NOC2L: variants seen among roughly 807,000 people sequenced by gnomAD.
NOC2L encodes NOC2 like nucleolar associated transcriptional repressor, also known as nucleolar complex protein 2 homolog.
In NOC2L, 101 loss-of-function variants were observed where a neutral mutation model predicts 94.2. That is an observed-to-expected ratio of 1.07 (90% CI 0.91 to 1.26). NOC2L has a LOEUF of 1.26. NOC2L is among the 50% of genes most tolerant of loss of function. NOC2L has a pLI of 0.00. For synonymous variants in NOC2L, 531 were observed against 413.4 expected (o/e 1.28, Z -3.45); for missense variants, 1,076 against 980.1 (o/e 1.10, Z -1.31).
At chr1:951,482 G>A (rs1642259727) in intron 11 of NOC2L, among the ~76,000 whole-genome samples, 1 of 152,192 alleles carries the variant, frequency 6.6e-6, no homozygotes, top group South Asian at 2.1e-4. Flanking sequence ...TCTCCTCCCT[G>A]TTCCCGCCTT....
In NOC2L at chr1:944,641, G is replaced by C. The variant is rs1311343884; in HGVS notation, c.*53C>G. The C allele has an allele frequency of 3.4e-6, 4 of 1,173,758 alleles. No individual in the cohort carries two copies. Among genetic ancestry groups the C allele is most frequent in the Non-Finnish European group, 4.9e-6 (4 of 811,084 alleles). 72.7% of individuals were successfully genotyped at this position (1,173,758 alleles called of 1,614,324 possible). On this transcript the variant is annotated 3_prime_UTR_variant, in exon 19 of 19. Coordinates refer to ENST00000327044, the MANE Select transcript of NOC2L (RefSeq NM_015658.4). ...TCTAGGCCTGACTGCCAGGGAGGTG[G>C]AAACACTGGCCACCAGCCCGGCAGC...
intron 14 of NOC2L, among the ~76,000 whole-genome samples, chr1:947,728 G>A (rs1251822764): frequency 6.6e-6 from 1 of 152,184 alleles, no homozygotes; most frequent in Non-Finnish European, 1.5e-5. Flanking sequence ...ATTTGGCGGG[G>A]CAGGCCAGGC....
rs374807183 is a variant in NOC2L at position 944,663 on chromosome 1, C to T, written c.*31G>A. On this transcript the variant is annotated 3_prime_UTR_variant, in exon 19 of 19. Transcript: ENST00000327044. ...GTGGAAACACTGGCCACCAGCCCGG[C>T]AGCCCCTACAGGCCCCCCAGATGGG... 55 of 1,393,494 alleles carry T rather than the reference C, an allele frequency of 3.9e-5. No individual in the cohort carries two copies. The highest frequency in any genetic ancestry group is 5.1e-5 in the Non-Finnish European group (51 of 1,002,198). The allele number at this position is 1,393,494 out of a possible 1,614,324, so 86.3% of individuals were successfully genotyped here. A position where few individuals can be genotyped will look rare whatever the true frequency, so the allele number is the denominator to read the frequency against.
At chr1:944,979 C>A (rs1304268239) in intron 18 of NOC2L, 78 bp downstream of exon 18, 5 of 1,599,884 alleles carry the variant, frequency 3.1e-6, no homozygotes, top group African/African-American at 1.3e-5. Context: ...CAGAGCCCCA[C>A]GCCCCCCGCC....
Position 953,859 on chromosome 1 carries a change from C to T in NOC2L, c.811G>A (p.Ala271Thr). The change falls in exon 8 of 19, where the codon GCG becomes ACG. Residue 271 changes from alanine (A) to threonine (T), a missense_variant. By Grantham distance (58) the Ala-to-Thr change is moderately conservative. Transcript: ENST00000327044. The part of the protein sequence containing the change: ...VSCLSETTVL[A>T]AVLRHISVLV... Reference sequence around the variant, plus strand: ...ACGCTGATGTGCCGCAGCACGGCCGCCAACACCGTCGTCTCCGACAGACAG... The same window carrying T: ...ACGCTGATGTGCCGCAGCACGGCCGTCAACACCGTCGTCTCCGACAGACAG... The T allele has an allele frequency of 6.2e-7, 1 of 1,613,166 alleles. No individual in the cohort carries two copies. The highest frequency in any genetic ancestry group is 8.5e-7 in the Non-Finnish European group (1 of 1,180,002).
In NOC2L at chr1:953,845, C is replaced by T. The variant is rs762929050; in HGVS notation, c.825G>A (p.Arg275=). ...SETTVLAAVL[R]HISVLVPCFL... ...AGCAGGGCACCAGCACGCTGATGTG[C>T]CGCAGCACGGCCGCCAACACCGTCG... Residue 275 remains arginine, a synonymous_variant, in exon 8 of 19, where the codon CGG becomes CGA. Coordinates refer to ENST00000327044, the MANE Select transcript of NOC2L (RefSeq NM_015658.4). The T allele has an allele frequency of 6.2e-7, 1 of 1,612,976 alleles. No individual in the cohort carries two copies. The highest frequency in any genetic ancestry group is 8.5e-7 in the Non-Finnish European group (1 of 1,180,022).
intron 14 of NOC2L, 34 bp from the exon 15 acceptor site, chr1:946,579 G>A (rs1446181586): frequency 6.2e-7 from 1 of 1,601,080 alleles, no homozygotes. Flanking sequence ...CTGAAGCCCA[G>A]GACCGCTCCA....
rs958395128 is a variant in NOC2L, at chr1:952,458, C to A, written c.1145G>T (p.Arg382Leu). ...VAYQHAFLYI[R>L]QLAIHLRNAM... ...GTTGCGCAGGTGTATGGCGAGCTGG[C>A]GGATGTAGAGGAAGGCGTGCTGGTA... Residue 382 changes from arginine (R) to leucine (L), a missense_variant, in exon 10 of 19, where the codon CGC becomes CTC. By Grantham distance (102) the Arg-to-Leu change is moderately radical. This residue lies in a region of NOC2L where 615 missense variants were observed against 577.4 expected (regional missense o/e 1.07). Transcript: ENST00000327044. 1.9e-6 allele frequency: 3 copies of A among 1,613,602 alleles called. No homozygotes were observed. The highest frequency in any genetic ancestry group is 2.5e-6 in the Non-Finnish European group (3 of 1,179,938).
chr1:954,071 G>C lies in NOC2L; in HGVS notation c.710C>G (p.Pro237Arg). The C allele has an allele frequency of 1.2e-6, 2 of 1,611,348 alleles. No homozygotes were observed. Among genetic ancestry groups the C allele is most frequent in the Non-Finnish European group, 8.5e-7 (1 of 1,178,490 alleles). The change falls in exon 7 of 19, where the codon CCG (proline) becomes CGG (arginine). Residue 237 changes from proline (P) to arginine (R), a missense_variant. Pro to Arg is a moderately radical substitution (Grantham distance 103). Transcript: ENST00000327044. ...CTTCCCCCAGAGCGGGCTGCTGGAC[G>C]GCTGCAGCATCCTGCAGAGAGACCA... ...VAKDSSRMLQ[P>R]SSSPLWGKLR... is the part of the protein sequence containing the mutation.
rs756485369 is a variant in NOC2L, at chr1:953,818, G to C, written c.852C>G (p.Phe284Leu). Residue 284 changes from phenylalanine (F) to leucine (L), a missense_variant, in exon 8 of 19, where the codon TTC becomes TTG. Physicochemically the swap from Phe to Leu is conservative, Grantham distance 22. Transcript: ENST00000327044. The part of the protein sequence containing the change: ...LRHISVLVPC[F>L]LTFPKQCRML... ...TGCGGCACTGCTTGGGGAAGGTCAGGAAGCAGGGCACCAGCACGCTGATGT... is the reference window on the plus strand; with the variant it reads ...TGCGGCACTGCTTGGGGAAGGTCAGCAAGCAGGGCACCAGCACGCTGATGT... The C allele has an allele frequency of 6.2e-6, 10 of 1,612,884 alleles. No homozygotes were observed. Among genetic ancestry groups the C allele is most frequent in the Non-Finnish European group, 8.5e-6 (10 of 1,179,990 alleles).
intron 8 of NOC2L, 54 bp from the exon 9 acceptor site, chr1:953,342 C>A (rs1642309474): frequency 9.1e-7 from 1 of 1,097,920 alleles, no homozygotes; most frequent in Non-Finnish European, 1.4e-6. Flanking sequence ...GCAGGGATGC[C>A]CCAGGGCCAG....
At position 959,085 on chromosome 1, in the gene NOC2L, C is replaced by A; in HGVS notation, c.27-4G>T. ...CACCGTCAGCTCCGCCAGGCGCCTG[C>A]GGGTCACGCAGGAGTCACAGCTGCC... is the stretch of plus-strand genomic sequence containing the variant. On this transcript the variant is annotated splice_polypyrimidine_tract_variant and splice_region_variant and intron_variant, in intron 1 of 18. Coordinates refer to ENST00000327044, the MANE Select transcript of NOC2L (RefSeq NM_015658.4). 4 of 1,608,524 alleles carry A rather than the reference C, an allele frequency of 2.5e-6. No homozygotes were observed. The highest frequency in any genetic ancestry group is 3.4e-6 in the Non-Finnish European group (4 of 1,176,960).
At chr1:948,832 G>A (rs1642184126) in intron 12 of NOC2L, among the ~76,000 whole-genome samples, 1 of 152,054 alleles carries the variant, frequency 6.6e-6, no homozygotes, top group African/African-American at 2.4e-5. Context: ...CCCCGAGTGG[G>A]GCTCTGATCA....
At chr1:948,670 C>G (rs111993795) in intron 12 of NOC2L, 67 bp from the exon 13 acceptor site, 1 of 1,325,112 alleles carries the variant, frequency 7.5e-7, no homozygotes. Context: ...ACCCTGGCTG[C>G]ACCCTGGTCC....
chr1:948,416 C>T (rs1442184875), intron 13 of NOC2L, 74 bp downstream of exon 13: 6 of 1,201,768 alleles, frequency 5.0e-6, no homozygotes, highest in Non-Finnish European at 7.4e-6. Context: ...ATGCCAGCCC[C>T]CTCCCATCCA....
chr1:958,641 T>C (rs958764566), intron 2 of NOC2L: 2 of 629,642 alleles, frequency 3.2e-6, no homozygotes, highest in Non-Finnish European at 5.9e-6. Context: ...TTATCTCTCT[T>C]CTACCGAACT....
Position 957,174 on chromosome 1 carries a change from G to A in NOC2L, c.279C>T (p.Ser93=), listed in dbSNP as rs776365603. 7 of 1,613,966 alleles carry A rather than the reference G, an allele frequency of 4.3e-6. No individual in the cohort carries two copies. Among genetic ancestry groups the A allele is most frequent in the East Asian group, 2.2e-5 (1 of 44,900 alleles). The part of the protein sequence containing the change: ...FYKFLQENDQ[S]LLNFSDSDSS... The stretch of plus-strand genomic sequence containing the variant: ...TGTCCGAGTCGCTGAAGTTTAGCAG[G>A]CTCTGGTCATTCTCCTGCAGGAACT... Residue 93 remains serine (S), a synonymous_variant, in exon 3 of 19, where the codon AGC becomes AGT. Transcript: ENST00000327044.
chr1:958,534 G>C (rs1642480701), intron 2 of NOC2L: 1 of 392,286 alleles, frequency 2.5e-6, no homozygotes, highest in African/African-American at 2.1e-5. Flanking sequence ...ACAGGCGTGA[G>C]CCACCGAGCA....
Position 951,242 on chromosome 1 carries a change from G to C in NOC2L, c.1332-4C>G. The C allele has an allele frequency of 6.4e-7, 1 of 1,570,048 alleles. No homozygotes were observed. Among genetic ancestry groups the C allele is most frequent in the Admixed American group, 1.9e-5 (1 of 53,496 alleles). ...GAAGCGGGCAGTGGGGATGAGCCTG[G>C]GGGTGGGAAGGCCGAGTGAGCAGAG... On this transcript the variant is annotated splice_region_variant and splice_polypyrimidine_tract_variant and intron_variant, in intron 11 of 18. Coordinates refer to ENST00000327044, the MANE Select transcript of NOC2L (RefSeq NM_015658.4).
Sources: allele counts gnomAD v4.1 joint callset (sites outside exome capture counted in the v4.1 genomes callset), GRCh38; gene constraint gnomAD v4.1.1; regional missense constraint gnomAD v4.1.1; transcripts MANE v1.5; gene names NCBI Gene and HGNC (gene_info 2026-07-23, HGNC 2026-07-21).